EIF4G2: variants seen among roughly 807,000 people sequenced by gnomAD.
EIF4G2 encodes eukaryotic translation initiation factor 4 gamma 2, also known as DAP-5.
EIF4G2 carries 8 observed loss-of-function variants against 117.7 expected under a neutral mutation model. The ratio of observed to expected loss-of-function variants is 0.07; its 90% CI spans 0.04 to 0.12. The LOEUF (loss-of-function observed/expected upper bound fraction) is 0.12, where lower values mean the gene tolerates loss of function less well. Ranked by LOEUF, EIF4G2 falls within the 10% of genes least tolerant of loss-of-function variation. EIF4G2 has a pLI of 1.00. For missense variants in EIF4G2, 812 were observed against 1,086.2 expected (o/e 0.75, Z 3.55); for synonymous variants, 413 against 367.8 (o/e 1.12, Z -1.41).
In EIF4G2 at chr11:10,806,644, G is replaced by A. The variant is rs368891767; in HGVS notation, c.107+176C>T. 4.9e-6 allele frequency: 3 copies of A among 617,024 alleles called. No individual in the cohort carries two copies. In the East Asian group the frequency reaches 8.2e-5, roughly 17 times the overall value. 38.2% of individuals were successfully genotyped at this position (617,024 alleles called of 1,614,324 possible). On this transcript the variant is annotated intron_variant, in intron 3 of 21. Transcript: ENST00000339995. The stretch of plus-strand genomic sequence containing the variant: ...CAGCTTGAGAGTCTCAACTCACTTA[G>A]AAAATTTGGCTAAGGAATAATCAGG...
At chr11:10,806,470 T>C (rs1333205179) in intron 3 of EIF4G2, 4 of 325,132 alleles carry the variant, frequency 1.2e-5, no homozygotes, top group Non-Finnish European at 2.3e-5. Flanking sequence ...TGTGAGCCAC[T>C]GTACCGGCTG....
Position 10,804,176 on chromosome 11 carries a change from A to G in EIF4G2, c.511T>C (p.Leu171=). 6.2e-7 allele frequency: 1 copy of G among 1,614,208 alleles called. No homozygotes were observed. Among genetic ancestry groups the G allele is most frequent in the East Asian group, 2.2e-5 (1 of 44,880 alleles). The change falls in exon 7 of 22, where the codon TTA becomes CTA. Residue 171 remains leucine, a synonymous_variant. Coordinates refer to ENST00000339995, the MANE Select transcript of EIF4G2 (RefSeq NM_001418.4). ...GTTCGGTTTTCAAATTCATCTTGTA[A>G]TTTGGAAATTAGGAGGCGTCTGAAT... is the stretch of plus-strand genomic sequence containing the variant.
rs1019775956 is a variant in EIF4G2, at chr11:10,808,573, G to A, written c.-87+132C>T. The stretch of plus-strand genomic sequence containing the variant: ...ACTTTCCAGGTATCTGAAGCGCAGA[G>A]GAAATGCTAAAAAAGGGTCGCCCCA... On this transcript the variant is annotated intron_variant, in intron 1 of 21. Coordinates refer to ENST00000339995, the MANE Select transcript of EIF4G2 (RefSeq NM_001418.4). 3.5e-5 allele frequency: 34 copies of A among 984,978 alleles called. No individual in the cohort carries two copies. The African/African-American group carries it at 4.5e-4, about 13-fold the overall frequency. The allele number at this position is 984,978 out of a possible 1,614,324, so 61.0% of individuals were successfully genotyped here.
rs1847395757 is a variant in EIF4G2 at position 10,800,826 on chromosome 11, G to A, written c.1549C>T (p.Leu517Phe). 1 of 1,614,076 alleles carries A rather than the reference G, an allele frequency of 6.2e-7. No homozygotes were observed. Among genetic ancestry groups the A allele is most frequent in the Non-Finnish European group, 8.5e-7 (1 of 1,179,988 alleles). The change falls in exon 16 of 22, where the codon CTT becomes TTT. Residue 517 changes from leucine (L) to phenylalanine (F), a missense_variant. Coordinates refer to ENST00000339995, the MANE Select transcript of EIF4G2 (RefSeq NM_001418.4). ...AGCGGTGGATTAGTTTTGAGACCAA[G>A]CTGAGGTGTCTAAAAAACAAGCAAT...
chr11:10,805,963 T>G lies in EIF4G2; in HGVS notation c.192A>C (p.Ala64=), dbSNP rs888377967. The change falls in exon 4 of 22, where the codon GCA becomes GCC. Residue 64 remains alanine (A), a synonymous_variant. Coordinates refer to ENST00000339995, the MANE Select transcript of EIF4G2 (RefSeq NM_001418.4). ...GTTCTTTTTCGTTTGCGGAGTTGTTTGCTGCGGAGTTGTCATCTCGTCTAG... is the reference window on the plus strand; with the variant it reads ...GTTCTTTTTCGTTTGCGGAGTTGTTGGCTGCGGAGTTGTCATCTCGTCTAG... The G allele has an allele frequency of 6.8e-6, 11 of 1,614,182 alleles. No homozygotes were observed. The highest frequency in any genetic ancestry group is 9.3e-6 in the Non-Finnish European group (11 of 1,179,994).
chr11:10,806,690 G>T (rs1033620651), intron 3 of EIF4G2, 130 bp downstream of exon 3: 1 of 944,112 alleles, frequency 1.1e-6, no homozygotes, highest in Non-Finnish European at 1.6e-6. Flanking sequence ...CTGTATTTAG[G>T]ATACCCAACA....
chr11:10,802,494 A>G, intron 11 of EIF4G2, 59 bp from the exon 12 acceptor site: 1 of 1,480,142 alleles, frequency 6.8e-7, no homozygotes, highest in Non-Finnish European at 9.0e-7. Context: ...ACTTAAAACT[A>G]AAATTCTTGC....
At position 10,797,657 on chromosome 11, in the gene EIF4G2, C is replaced by CA. The variant is rs1349641318; in HGVS notation, c.*158dup. The CA allele has an allele frequency of 8.1e-6, 6 of 741,108 alleles. No individual in the cohort carries two copies. Among genetic ancestry groups the CA allele is most frequent in the South Asian group, 3.5e-5 (2 of 57,250 alleles). 45.9% of individuals were successfully genotyped at this position (741,108 alleles called of 1,614,324 possible). A position where few individuals can be genotyped will look rare whatever the true frequency, so the allele number is the denominator to read the frequency against. On this transcript the variant is annotated 3_prime_UTR_variant, in exon 22 of 22. Transcript: ENST00000339995. The surrounding 1 kb of genome is among the most constrained non-coding windows in gnomAD (Gnocchi z 4.5). ...AGACTATGATTAAGACATTACACTA[C>CA]AAAAAAACCTTATGCAGAAGGAAAT...
rs1847288960 is a variant in EIF4G2, at chr11:10,797,400, C to A, written c.*416G>T. On this transcript the variant is annotated 3_prime_UTR_variant, in exon 22 of 22. Coordinates refer to ENST00000339995, the MANE Select transcript of EIF4G2 (RefSeq NM_001418.4). This position sits in a 1 kb window ranked among gnomAD's most constrained non-coding sequence, Gnocchi z 4.5. ...ATTACAGTTAAGAATTTTTCTGTAA[C>A]AACCAAATGGATAATCAAATATTGC... 6.2e-6 allele frequency: 1 copy of A among 161,880 alleles called. No homozygotes were observed. 10.0% of individuals were successfully genotyped at this position (161,880 alleles called of 1,614,324 possible). A position where few individuals can be genotyped will look rare whatever the true frequency, so the allele number is the denominator to read the frequency against.
Position 10,803,072 on chromosome 11 carries a change from A to C in EIF4G2, c.954T>G (p.Asn318Lys). The change falls in exon 11 of 22, where the codon AAT becomes AAG. Residue 318 changes from asparagine to lysine, a missense_variant. Asn to Lys is a moderately conservative substitution (Grantham distance 94). Transcript: ENST00000339995. The surrounding 1 kb of genome is among the most constrained non-coding windows in gnomAD (Gnocchi z 4.0). ...GAATTTGATTGATCGTCTTTGGTCC[A>C]TTGTCAAGAAAAGCCTTGCGAGGAA... The C allele has an allele frequency of 6.2e-7, 1 of 1,611,278 alleles. No homozygotes were observed. The highest frequency in any genetic ancestry group is 8.5e-7 in the Non-Finnish European group (1 of 1,178,740).
chr11:10,801,761 A>T lies in EIF4G2; in HGVS notation c.1313T>A (p.Leu438His), dbSNP rs1847424170. 1 of 1,614,058 alleles carries T rather than the reference A, an allele frequency of 6.2e-7. No homozygotes were observed. The highest frequency in any genetic ancestry group is 1.3e-5 in the African/African-American group (1 of 75,032). ...GAGTCCCTGACTCTGGTTATGGTAG[A>T]GCTGGCTTAGCCCCTATTTCAGAAA... The change falls in exon 14 of 22, where the codon CTC becomes CAC. Residue 438 changes from leucine (L) to histidine (H), a missense_variant. By Grantham distance (99) the Leu-to-His change is moderately conservative (BLOSUM62 -3). Coordinates refer to ENST00000339995, the MANE Select transcript of EIF4G2 (RefSeq NM_001418.4).
intron 4 of EIF4G2, 68 bp downstream of exon 4, chr11:10,805,839 C>G: frequency 6.2e-7 from 1 of 1,606,574 alleles, no homozygotes; most frequent in Non-Finnish European, 8.5e-7. Flanking sequence ...CTTAGTAATA[C>G]AGCACACACA....
Position 10,803,381 on chromosome 11 carries a change from T to C in EIF4G2, c.814-87A>G. The C allele has an allele frequency of 6.4e-7, 1 of 1,564,904 alleles. No homozygotes were observed. The highest frequency in any genetic ancestry group is 8.8e-7 in the Non-Finnish European group (1 of 1,140,652). ...TAAGACTTCTAAAATTATAACCCAG[T>C]TAATGGCTAAATATGGCAATCCCTT... On this transcript the variant is annotated intron_variant, in intron 9 of 21. Transcript: ENST00000339995. The surrounding 1 kb of genome is among the most constrained non-coding windows in gnomAD (Gnocchi z 4.0).
At chr11:10,802,502 T>G (rs1847450702) in intron 11 of EIF4G2, 67 bp from the exon 12 acceptor site, 1 of 1,470,916 alleles carries the variant, frequency 6.8e-7, no homozygotes, top group Non-Finnish European at 9.0e-7. Flanking sequence ...CTAAAATTCT[T>G]GCAACTAGGG....
Position 10,797,448 on chromosome 11 carries a change from A to C in EIF4G2, c.*368T>G, listed in dbSNP as rs1179154181. On this transcript the variant is annotated 3_prime_UTR_variant, in exon 22 of 22. Coordinates refer to ENST00000339995, the MANE Select transcript of EIF4G2 (RefSeq NM_001418.4). This position sits in a 1 kb window ranked among gnomAD's most constrained non-coding sequence, Gnocchi z 4.5. ...TGCAACAACTCAAGTATTACTGAGC[A>C]AAGTGCATTTCTACAGTATTCAGTG... The C allele has an allele frequency of 5.4e-6, 1 of 185,356 alleles. No individual in the cohort carries two copies. The highest frequency in any genetic ancestry group is 2.4e-5 in the African/African-American group (1 of 42,286). The allele number at this position is 185,356 out of a possible 1,614,324, so 11.5% of individuals were successfully genotyped here.
rs1847488811 is a variant in EIF4G2 at position 10,803,719 on chromosome 11, A to C, written c.703-129T>G. 1.8e-6 allele frequency: 2 copies of C among 1,103,652 alleles called. No homozygotes were observed. Among genetic ancestry groups the C allele is most frequent in the Non-Finnish European group, 2.6e-6 (2 of 762,290 alleles). The allele number at this position is 1,103,652 out of a possible 1,614,324, so 68.4% of individuals were successfully genotyped here. A position where few individuals can be genotyped will look rare whatever the true frequency, so the allele number is the denominator to read the frequency against. ...AGAATCTAGTATAGGGCTTTCTACCAGTCTGGTTGATCAGTTCTAACTCTA... is the reference window on the plus strand; with the variant it reads ...AGAATCTAGTATAGGGCTTTCTACCCGTCTGGTTGATCAGTTCTAACTCTA... On this transcript the variant is annotated intron_variant, in intron 8 of 21. Transcript: ENST00000339995. This position sits in a 1 kb window ranked among gnomAD's most constrained non-coding sequence, Gnocchi z 4.0.
rs1393725171 is a variant in EIF4G2 at position 10,801,790 on chromosome 11, A to G, written c.1300-16T>C. 2 of 1,609,040 alleles carry G rather than the reference A, an allele frequency of 1.2e-6. No individual in the cohort carries two copies. The highest frequency in any genetic ancestry group is 1.7e-6 in the Non-Finnish European group (2 of 1,177,372). On this transcript the variant is annotated splice_polypyrimidine_tract_variant and intron_variant, in intron 13 of 21. Transcript: ENST00000339995. ...GGCTTAGCCCCTATTTCAGAAAAGGAGAAAGAAAGTCTAGATAAAAAGGGG... is the reference window on the plus strand; with the variant it reads ...GGCTTAGCCCCTATTTCAGAAAAGGGGAAAGAAAGTCTAGATAAAAAGGGG...
intron 1 of EIF4G2, chr11:10,807,905 C>A (rs185108346): frequency 3.9e-6 from 4 of 1,015,270 alleles, no homozygotes; most frequent in Admixed American, 6.1e-5. Flanking sequence ...ACCAGGGCCA[C>A]AACATGGCAG....
intron 5 of EIF4G2, 188 bp from the exon 6 acceptor site, chr11:10,804,606 C>T: frequency 1.4e-6 from 1 of 717,866 alleles, no homozygotes; most frequent in Non-Finnish European, 2.2e-6. Flanking sequence ...ACTTTCAAGT[C>T]TACATAAACT....
Sources: allele counts gnomAD v4.1 joint callset, GRCh38; gene constraint gnomAD v4.1.1; non-coding constraint Gnocchi (gnomAD v3.1); transcripts MANE v1.5; gene names NCBI Gene and HGNC (gene_info 2026-07-23, HGNC 2026-07-21).